Variants in ADAM10 observed in about 807,000 individuals in gnomAD.
ADAM10 encodes ADAM metallopeptidase domain 10, also known as disintegrin and metalloproteinase domain-containing protein 10.
ADAM10 carries 17 observed loss-of-function variants against 90.1 expected under a neutral mutation model. The observed-to-expected ratio is 0.19, with a 90% CI of 0.13 to 0.28. The LOEUF (loss-of-function observed/expected upper bound fraction) is 0.28. Ranked by LOEUF, ADAM10 falls within the 10% of genes least tolerant of loss-of-function variation. The probability of loss-of-function intolerance (pLI) is 1.00; values close to 1 mark genes in which losing one functional copy is unlikely to be tolerated. For missense variants in ADAM10, 610 were observed against 914.3 expected (o/e 0.67, Z 4.29); for synonymous variants, 310 against 298.6 (o/e 1.04, Z -0.40).
In ADAM10 at chr15:58,589,366, T is replaced by G. The variant is rs1338476739; in HGVS notation, c.*8181A>C. On this transcript the variant is annotated 3_prime_UTR_variant, in exon 16 of 16. Transcript: ENST00000260408. ...AGCTTGGACTAGTTAGAGCAAACTTTTACCGAAACTCCAAAACTCAGGTCC... is the reference window on the plus strand; with the variant it reads ...AGCTTGGACTAGTTAGAGCAAACTTGTACCGAAACTCCAAAACTCAGGTCC... 1 of 152,234 alleles carries G rather than the reference T, an allele frequency of 6.6e-6. No individual in the cohort carries two copies. The highest frequency in any genetic ancestry group is 2.4e-5 in the African/African-American group (1 of 41,460). The allele number at this position is 152,234 out of a possible 1,614,324, so 9.4% of individuals were successfully genotyped here. A position where few individuals can be genotyped will look rare whatever the true frequency, so the allele number is the denominator to read the frequency against.
chr15:58,640,316 TTTC>T (rs1298050319), intron 8 of ADAM10, among the ~76,000 whole-genome samples: 1 of 152,262 alleles, frequency 6.6e-6, no homozygotes, highest in Admixed American at 6.5e-5. Flanking sequence ...AAAGGCAGGC[TTTC>T]TTTTCCTTTT....
intron 4 of ADAM10, among the ~76,000 whole-genome samples, chr15:58,669,687 T>C (rs1480696645): frequency 6.6e-6 from 1 of 152,168 alleles, no homozygotes; most frequent in Non-Finnish European, 1.5e-5. Context: ...GATGAGTTAA[T>C]ATTAAAAACC....
rs1338339153 is a variant in ADAM10, at chr15:58,643,741, A to T, written c.828+145T>A. On this transcript the variant is annotated intron_variant, in intron 7 of 15. Transcript: ENST00000260408. ...TGTGTGTGGGTGTGTAAATGCCAGG[A>T]GTAAAAAACTGCATCAACAGATACA... 4 of 675,680 alleles carry T rather than the reference A, an allele frequency of 5.9e-6. No individual in the cohort carries two copies. The African/African-American group carries it at 7.2e-5, about 12-fold the overall frequency. The allele number at this position is 675,680 out of a possible 1,614,324, so 41.9% of individuals were successfully genotyped here.
intron 10 of ADAM10, among the ~76,000 whole-genome samples, chr15:58,621,985 T>G (rs12915898): frequency 1.3e-5 from 2 of 151,298 alleles, no homozygotes; most frequent in Admixed American, 6.6e-5. Flanking sequence ...AAAAAAAAAA[T>G]TAAGCCTTTT....
In ADAM10 at chr15:58,608,690, C is replaced by A. The variant is rs201030768; in HGVS notation, c.2025+1607G>T. ...GTTGCCAATTCATTGTGAAACATTTCATTAATCCTCACATCTAAAATATGG... is the reference window on the plus strand; with the variant it reads ...GTTGCCAATTCATTGTGAAACATTTAATTAATCCTCACATCTAAAATATGG... On this transcript the variant is annotated intron_variant, in intron 14 of 15. Transcript: ENST00000260408. Among the ~76,000 whole-genome samples, 5 of 152,244 alleles carry A rather than the reference C, an allele frequency of 3.3e-5. No homozygotes were observed. In the East Asian group the frequency reaches 9.6e-4, roughly 29 times the overall value.
At chr15:58,739,424 G>C (rs1899531965) in intron 1 of ADAM10, among the ~76,000 whole-genome samples, 1 of 151,860 alleles carries the variant, frequency 6.6e-6, no homozygotes, top group South Asian at 2.1e-4. Flanking sequence ...GGCTGAGGCA[G>C]AAGAACGGCA....
intron 4 of ADAM10, among the ~76,000 whole-genome samples, chr15:58,674,243 T>A (rs1437548864): frequency 6.6e-6 from 1 of 152,166 alleles, no homozygotes; most frequent in African/African-American, 2.4e-5. Flanking sequence ...ACCACTAAAT[T>A]TTTATATTTC....
chr15:58,680,272 A>G (rs370648640), intron 3 of ADAM10, among the ~76,000 whole-genome samples: 5 of 151,964 alleles, frequency 3.3e-5, no homozygotes, highest in African/African-American at 1.2e-4. Context: ...ACAAGCGTGC[A>G]CCGCCACCTC....
intron 1 of ADAM10, among the ~76,000 whole-genome samples, chr15:58,730,033 AT>A (rs1408940440): frequency 1.3e-4 from 20 of 151,956 alleles, no homozygotes; most frequent in Non-Finnish European, 2.2e-4. Context: ...AGCACTTTAG[AT>A]TTTCACATTA....
intron 5 of ADAM10, among the ~76,000 whole-genome samples, chr15:58,660,366 T>C (rs984924257): frequency 2.0e-5 from 3 of 152,110 alleles, no homozygotes; most frequent in Non-Finnish European, 4.4e-5. Context: ...GCTCTTTAAA[T>C]GTTAAAACTG....
intron 4 of ADAM10, among the ~76,000 whole-genome samples, chr15:58,669,658 C>A (rs1897151382): frequency 6.6e-6 from 1 of 152,122 alleles, no homozygotes; most frequent in South Asian, 2.1e-4. Flanking sequence ...TTTATCTTCT[C>A]TTTAATCGAC....
chr15:58,673,879 C>T (rs977781289), intron 4 of ADAM10, among the ~76,000 whole-genome samples: 35 of 152,048 alleles, frequency 2.3e-4, no homozygotes, highest in African/African-American at 8.4e-4. Context: ...GGACTACAGG[C>T]GCCTGCCACC....
At chr15:58,728,664 G>A (rs1899122199) in intron 1 of ADAM10, among the ~76,000 whole-genome samples, 1 of 151,920 alleles carries the variant, frequency 6.6e-6, no homozygotes, top group Admixed American at 6.6e-5. Context: ...TTTTCCCTAA[G>A]ATATAAAATT....
chr15:58,615,617 A>C (rs1035486434), intron 11 of ADAM10, among the ~76,000 whole-genome samples: 1 of 152,192 alleles, frequency 6.6e-6, no homozygotes, highest in Non-Finnish European at 1.5e-5. Flanking sequence ...ATATAGACTA[A>C]AAGTAAAGGA....
chr15:58,736,385 A>C (rs1899430535), intron 1 of ADAM10, among the ~76,000 whole-genome samples: 2 of 151,842 alleles, frequency 1.3e-5, no homozygotes, highest in Admixed American at 1.3e-4. Context: ...CATGGTACTT[A>C]ATACTTATAA....
chr15:58,659,552 A>C (rs1896919149), intron 5 of ADAM10, among the ~76,000 whole-genome samples: 1 of 152,188 alleles, frequency 6.6e-6, no homozygotes, highest in Non-Finnish European at 1.5e-5. Context: ...TTTCTGGTAT[A>C]AACTTCATTT....
chr15:58,734,720 C>T (rs911572969), intron 1 of ADAM10, among the ~76,000 whole-genome samples: 1 of 149,590 alleles, frequency 6.7e-6, no homozygotes, highest in Non-Finnish European at 1.5e-5. Context: ...AAAAAAAAAA[C>T]TGAAAAGAAA....
intron 11 of ADAM10, among the ~76,000 whole-genome samples, chr15:58,616,195 A>G (rs1451279517): frequency 6.6e-6 from 1 of 152,206 alleles, no homozygotes; most frequent in Non-Finnish European, 1.5e-5. Context: ...GGAGACTTCA[A>G]CAGCCCATTC....
chr15:58,691,123 C>A, intron 2 of ADAM10: 1 of 680,840 alleles, frequency 1.5e-6, no homozygotes, highest in Non-Finnish European at 2.8e-6. Context: ...GTGCTGGTCA[C>A]AATGCGGCAG....
Sources: allele counts gnomAD v4.1 joint callset (sites outside exome capture counted in the v4.1 genomes callset), GRCh38; gene constraint gnomAD v4.1.1; transcripts MANE v1.5; gene names NCBI Gene and HGNC (gene_info 2026-07-23, HGNC 2026-07-21).